ARHGAP42: variants seen among roughly 807,000 people sequenced by gnomAD.
The protein encoded by ARHGAP42 is Rho GTPase activating protein 42, also known as rho GTPase-activating protein 42.
ARHGAP42 carries 63 observed loss-of-function variants against 125.0 expected under a neutral mutation model. That is an observed-to-expected ratio of 0.50 (90% confidence interval 0.41 to 0.62). ARHGAP42 has a LOEUF of 0.62. ARHGAP42 is among the 20% of genes least tolerant of loss of function. The probability of loss-of-function intolerance (pLI) is 0.00; values close to 1 mark genes in which losing one functional copy is unlikely to be tolerated. For missense variants in ARHGAP42, 766 were observed against 1,024.2 expected, an observed-to-expected ratio of 0.75 and a Z score of 3.44; for synonymous variants, 339 against 351.0, an observed-to-expected ratio of 0.97 and a Z score of 0.38.
At chr11:100,835,361 G>T (rs980727515) in intron 3 of ARHGAP42, among the ~76,000 whole-genome samples, 1 of 152,064 alleles carries the variant, frequency 6.6e-6, no homozygotes, top group Non-Finnish European at 1.5e-5. Flanking sequence ...TAACCCTAAA[G>T]GTTTCTGACT....
intron 1 of ARHGAP42, among the ~76,000 whole-genome samples, chr11:100,707,610 G>A (rs577736383): frequency 6.6e-6 from 1 of 152,324 alleles, no homozygotes; most frequent in South Asian, 2.1e-4. Context: ...GAGAAGACAA[G>A]AAGATGCAAA....
chr11:100,828,147 C>T (rs1423889168), intron 3 of ARHGAP42, among the ~76,000 whole-genome samples: 1 of 147,870 alleles, frequency 6.8e-6, no homozygotes. Flanking sequence ...ACTATCAGTC[C>T]TCCAAGTGGT....
In ARHGAP42 at chr11:100,801,091, T is replaced by G. The variant is rs543918188; in HGVS notation, c.312+5925T>G. Among the ~76,000 whole-genome samples the G allele has an allele frequency of 5.9e-5, 9 of 152,346 alleles. No individual in the cohort carries two copies. In the East Asian group the frequency reaches 1.7e-3, roughly 29 times the overall value. On this transcript the variant is annotated intron_variant, in intron 3 of 23. Coordinates refer to ENST00000298815, the MANE Select transcript of ARHGAP42 (RefSeq NM_152432.4). ...GAAGTGCTCCAGAGAGCATTTCCTTTGAACATTATGTCTGTACTCAAAAAG... is the reference window on the plus strand; with the variant it reads ...GAAGTGCTCCAGAGAGCATTTCCTTGGAACATTATGTCTGTACTCAAAAAG...
chr11:100,762,970 A>ATTTTTT (rs553749625), intron 1 of ARHGAP42, among the ~76,000 whole-genome samples: 2 of 85,022 alleles, frequency 2.4e-5, no homozygotes, highest in African/African-American at 4.9e-5. Flanking sequence ...GTTTATAGTG[A>ATTTTTT]TTTTTTTTTT....
chr11:100,814,158 A>G (rs1197511936), intron 3 of ARHGAP42, among the ~76,000 whole-genome samples: 3 of 151,838 alleles, frequency 2.0e-5, no homozygotes, highest in Non-Finnish European at 4.4e-5. Flanking sequence ...GCACCACTGC[A>G]CTCCAGCCTG....
chr11:100,733,448 A>G (rs1400890509), intron 1 of ARHGAP42, among the ~76,000 whole-genome samples: 1 of 152,242 alleles, frequency 6.6e-6, no homozygotes, highest in African/African-American at 2.4e-5. Flanking sequence ...CTTGAATTAT[A>G]AATTGATTGC....
rs758462221 is a variant in ARHGAP42, at chr11:100,901,915, C to T, written c.385-11537C>T. ...CCTGCTTTGGCTCGCCCTCTGTGGG[C>T]GGCACCCACCATCCAATCAGTCCCA... On this transcript the variant is annotated intron_variant, in intron 4 of 23. Coordinates refer to ENST00000298815, the MANE Select transcript of ARHGAP42 (RefSeq NM_152432.4). Among the ~76,000 whole-genome samples, 25 of 152,206 alleles carry T rather than the reference C, an allele frequency of 1.6e-4. 1 individual carries two copies. Among genetic ancestry groups the T allele is most frequent in the Admixed American group, 1.1e-3 (17 of 15,280 alleles).
chr11:100,888,176 G>T (rs116755798), intron 4 of ARHGAP42, among the ~76,000 whole-genome samples: 2 of 151,890 alleles, frequency 1.3e-5, no homozygotes, highest in Non-Finnish European at 2.9e-5. Flanking sequence ...GGAGCAGAAC[G>T]CCCCAAACAT....
rs763302463 is a variant in ARHGAP42 at position 100,980,559 on chromosome 11, C to CTTTTTTTTTTTT, written c.2456+1529_2456+1540dup. 2.5e-3 allele frequency among the ~76,000 whole-genome samples: 131 copies of CTTTTTTTTTTTT among 51,934 alleles called. 7 individuals carry two copies. Among genetic ancestry groups the CTTTTTTTTTTTT allele is most frequent in the South Asian group, 5.5e-3 (5 of 904 alleles). The allele number at this position is 51,934 out of a possible 152,430, so 34.1% of individuals were successfully genotyped here. A position where few individuals can be genotyped will look rare whatever the true frequency, so the allele number is the denominator to read the frequency against. On this transcript the variant is annotated intron_variant, in intron 22 of 23. Coordinates refer to ENST00000298815, the MANE Select transcript of ARHGAP42 (RefSeq NM_152432.4). ...TCAAATCATACTTCTTTTTCTTCTT[C>CTTTTTTTTTTTT]TTTTTTTTTTTTTTTTTTTTTTTTT...
intron 2 of ARHGAP42, among the ~76,000 whole-genome samples, chr11:100,791,553 T>A (rs11224450): frequency 0.051 from 7,733 of 152,248 alleles, 253 homozygotes; most frequent in East Asian, 0.18. Context: ...CTCAACTTTT[T>A]TTTTTAATAG....
intron 1 of ARHGAP42, among the ~76,000 whole-genome samples, chr11:100,765,739 C>A (rs551889895): frequency 1.1e-4 from 16 of 152,142 alleles, no homozygotes; most frequent in Non-Finnish European, 2.1e-4. Context: ...CTGCCTTCTG[C>A]ATGGTTGTGA....
chr11:100,744,620 G>A (rs1862259426), intron 1 of ARHGAP42, among the ~76,000 whole-genome samples: 2 of 151,690 alleles, frequency 1.3e-5, no homozygotes, highest in Admixed American at 6.6e-5. Flanking sequence ...TTACTTTAAT[G>A]TTTACAGTTT....
intron 2 of ARHGAP42, among the ~76,000 whole-genome samples, chr11:100,792,310 A>G (rs1863585366): frequency 6.6e-6 from 1 of 152,212 alleles, no homozygotes; most frequent in African/African-American, 2.4e-5. Flanking sequence ...AAAATAAAGC[A>G]TTTGTAGCAT....
chr11:100,801,322 G>T (rs1863846419), intron 3 of ARHGAP42, among the ~76,000 whole-genome samples: 1 of 152,070 alleles, frequency 6.6e-6, no homozygotes, highest in South Asian at 2.1e-4. Context: ...CACTAGTTCA[G>T]ATTTTTTTAT....
At chr11:100,896,487 C>G (rs989275015) in intron 4 of ARHGAP42, among the ~76,000 whole-genome samples, 55 of 152,334 alleles carry the variant, frequency 3.6e-4, no homozygotes, top group African/African-American at 1.3e-3. Context: ...TTCTCCACAT[C>G]CTGTCCAGGA....
At chr11:100,761,741 T>G (rs1862704091) in intron 1 of ARHGAP42, among the ~76,000 whole-genome samples, 1 of 152,238 alleles carries the variant, frequency 6.6e-6, no homozygotes, top group African/African-American at 2.4e-5. Flanking sequence ...ATTAAATATG[T>G]TATGCTTACA....
chr11:100,852,550 T>G (rs929775310), intron 3 of ARHGAP42, among the ~76,000 whole-genome samples: 2 of 152,170 alleles, frequency 1.3e-5, no homozygotes, highest in African/African-American at 4.8e-5. Context: ...ATCACTTTGC[T>G]GAAGCTCCCT....
chr11:100,823,752 G>C (rs1336461340), intron 3 of ARHGAP42, among the ~76,000 whole-genome samples: 1 of 152,124 alleles, frequency 6.6e-6, no homozygotes, highest in Non-Finnish European at 1.5e-5. Context: ...TATCAAGACT[G>C]TCAGAGAATA....
At chr11:100,831,651 C>T (rs1371941578) in intron 3 of ARHGAP42, among the ~76,000 whole-genome samples, 7 of 152,104 alleles carry the variant, frequency 4.6e-5, no homozygotes, top group Non-Finnish European at 1.0e-4. Context: ...CTGGGGGTTG[C>T]TTGTGGGGAA....
Sources: allele counts gnomAD v4.1 joint callset (sites outside exome capture counted in the v4.1 genomes callset), GRCh38; gene constraint gnomAD v4.1.1; transcripts MANE v1.5; gene names NCBI Gene and HGNC (gene_info 2026-07-23, HGNC 2026-07-21).